The following NRXN3 variants were observed in gnomAD, a reference collection of about 807,000 sequenced individuals.
NRXN3 encodes neurexin 3.
Under a neutral mutation model 137.6 loss-of-function variants are expected in NRXN3, and 32 were observed. The observed-to-expected ratio is 0.23, with a 90% CI of 0.18 to 0.31. NRXN3 has a LOEUF of 0.31. NRXN3 is among the 10% of genes least tolerant of loss of function. The probability of loss-of-function intolerance (pLI) is 1.00; values close to 1 mark genes in which losing one functional copy is unlikely to be tolerated. For missense variants in NRXN3, 1,574 were observed against 2,062.5 expected (o/e 0.76, Z 4.59); for synonymous variants, 798 against 784.5 (o/e 1.02, Z -0.29).
intron 15 of NRXN3, among the ~76,000 whole-genome samples, chr14:79,466,486 G>A (rs754779090): frequency 1.4e-4 from 22 of 152,130 alleles, no homozygotes; most frequent in Non-Finnish European, 2.9e-4. Flanking sequence ...TACTCGGGAA[G>A]CTAAGGCAGG....
chr14:79,212,210 A>T (rs1052892701), intron 15 of NRXN3, among the ~76,000 whole-genome samples: 4 of 152,188 alleles, frequency 2.6e-5, no homozygotes, highest in African/African-American at 9.7e-5. Context: ...TTTAGTTGCC[A>T]AAGTGCAGTT....
intron 8 of NRXN3, among the ~76,000 whole-genome samples, chr14:78,741,598 A>C (rs2098573213): frequency 6.6e-6 from 1 of 152,184 alleles, no homozygotes; most frequent in Non-Finnish European, 1.5e-5. Context: ...GTACTCATGA[A>C]AAGCATATGT....
intron 15 of NRXN3, among the ~76,000 whole-genome samples, chr14:79,333,590 G>A (rs979385554): frequency 7.9e-5 from 12 of 152,288 alleles, no homozygotes; most frequent in Admixed American, 1.3e-4. Context: ...ATAGTTTATG[G>A]CCTAATAAGA....
chr14:78,640,001 T>G (rs1363826461), intron 4 of NRXN3, among the ~76,000 whole-genome samples: 1 of 152,142 alleles, frequency 6.6e-6, no homozygotes, highest in Non-Finnish European at 1.5e-5. Context: ...TGACATGTTT[T>G]CATTTTCAGT....
At chr14:78,944,390 G>T (rs2099361277) in intron 10 of NRXN3, among the ~76,000 whole-genome samples, 1 of 152,188 alleles carries the variant, frequency 6.6e-6, no homozygotes. Flanking sequence ...TTCTCAGAAA[G>T]GTGGTTTGAG....
At chr14:79,464,818 G>A (rs764021898) in intron 15 of NRXN3, among the ~76,000 whole-genome samples, 16 of 152,236 alleles carry the variant, frequency 1.1e-4, no homozygotes, top group Non-Finnish European at 1.9e-4. Context: ...AGATAATTGA[G>A]TCTCTGTTTC....
chr14:78,203,198 C>T (rs2061840410), intron 1 of NRXN3, among the ~76,000 whole-genome samples: 1 of 152,206 alleles, frequency 6.6e-6, no homozygotes, highest in Non-Finnish European at 1.5e-5. Flanking sequence ...ATGTGAAGTA[C>T]CAGGTGTGCT....
intron 8 of NRXN3, among the ~76,000 whole-genome samples, chr14:78,716,628 A>T (rs1175007979): frequency 2.0e-5 from 3 of 152,154 alleles, no homozygotes; most frequent in African/African-American, 7.2e-5. Context: ...AAGATAGGTG[A>T]TGTGGATGGA....
At chr14:78,661,022 C>T (rs1031317315) in intron 6 of NRXN3, among the ~76,000 whole-genome samples, 13 of 152,288 alleles carry the variant, frequency 8.5e-5, no homozygotes, top group East Asian at 3.9e-4. Flanking sequence ...TTTGTAAATA[C>T]AATTTTTGAA....
At chr14:78,560,685 C>G (rs1041280592) in intron 4 of NRXN3, among the ~76,000 whole-genome samples, 5 of 152,172 alleles carry the variant, frequency 3.3e-5, no homozygotes, top group African/African-American at 1.2e-4. Context: ...TGGAGAGTTT[C>G]TCAATATGCC....
intron 4 of NRXN3, among the ~76,000 whole-genome samples, chr14:78,615,436 T>C (rs984526718): frequency 7.2e-5 from 9 of 125,740 alleles, no homozygotes; most frequent in Non-Finnish European, 1.4e-4. Flanking sequence ...CCATCTCTAC[T>C]GAAAATACAA....
At chr14:79,067,533 G>A (rs188454963) in intron 15 of NRXN3, among the ~76,000 whole-genome samples, 41 of 152,192 alleles carry the variant, frequency 2.7e-4, no homozygotes, top group South Asian at 6.2e-4. Flanking sequence ...AGTTTCAGTA[G>A]AAATGTGTAC....
chr14:79,804,151 A>G (rs2099194028), intron 19 of NRXN3, among the ~76,000 whole-genome samples: 1 of 151,974 alleles, frequency 6.6e-6, no homozygotes, highest in Admixed American at 6.6e-5. Context: ...TATTGGTCAC[A>G]TGAAGAAGGG....
At chr14:79,197,593 A>G (rs1476141758) in intron 15 of NRXN3, among the ~76,000 whole-genome samples, 1 of 151,848 alleles carries the variant, frequency 6.6e-6, no homozygotes, top group Admixed American at 6.6e-5. Flanking sequence ...GGAAATCTCA[A>G]AGGATGTTTG....
Position 79,762,719 on chromosome 14 carries a change from C to T in NRXN3, c.4015-42393C>T, listed in dbSNP as rs913168631. Among the ~76,000 whole-genome samples, 6 of 151,406 alleles carry T rather than the reference C, an allele frequency of 4.0e-5. No homozygotes were observed. In the East Asian group the frequency reaches 9.6e-4, roughly 24 times the overall value. On this transcript the variant is annotated intron_variant, in intron 19 of 20. Transcript: ENST00000335750. The stretch of plus-strand genomic sequence containing the variant: ...GCAACCCATGGTTATTGGTTTCGTG[C>T]GATGCCTGTCACAAAGAAAAAACCC...
intron 16 of NRXN3, among the ~76,000 whole-genome samples, chr14:79,656,603 A>ACTCT (rs1322471968): frequency 7.3e-6 from 1 of 137,222 alleles, no homozygotes; most frequent in Non-Finnish European, 1.6e-5. Flanking sequence ...TGTCATCCCT[A>ACTCT]CTCTCTCTCT....
At chr14:78,252,928 C>T (rs2068875640) in intron 2 of NRXN3, among the ~76,000 whole-genome samples, 2 of 152,206 alleles carry the variant, frequency 1.3e-5, no homozygotes, top group South Asian at 4.1e-4. Flanking sequence ...GCTGGACAGG[C>T]TGGGAGTTTA....
chr14:79,137,636 G>C (rs2058379630), intron 15 of NRXN3, among the ~76,000 whole-genome samples: 1 of 152,058 alleles, frequency 6.6e-6, no homozygotes, highest in Admixed American at 6.5e-5. Flanking sequence ...ATTTTCTCTT[G>C]TTCTTCTACA....
chr14:79,471,079 T>G (rs1382290150), intron 16 of NRXN3, among the ~76,000 whole-genome samples: 2 of 151,764 alleles, frequency 1.3e-5, no homozygotes, highest in African/African-American at 4.8e-5. Flanking sequence ...CCTGAAGTGT[T>G]TTGAGCAACA....
Sources: allele counts gnomAD v4.1 joint callset (sites outside exome capture counted in the v4.1 genomes callset), GRCh38; gene constraint gnomAD v4.1.1; transcripts MANE v1.5; gene names NCBI Gene and HGNC (gene_info 2026-07-23, HGNC 2026-07-21).